The following CRB1 variants were observed in gnomAD, a reference collection of about 807,000 sequenced individuals.
CRB1 encodes crumbs cell polarity complex component 1.
A neutral mutation model predicts 120.0 loss-of-function variants in CRB1; 83 were observed. That is an observed-to-expected ratio of 0.69 (90% confidence interval 0.58 to 0.83). The LOEUF (loss-of-function observed/expected upper bound fraction) is 0.83. Among genes scored for constraint, CRB1 ranks in the 40% least tolerant of loss-of-function variants. CRB1 has a pLI of 0.00. For synonymous variants in CRB1, 625 were observed against 612.5 expected, an observed-to-expected ratio of 1.02 and a Z score of -0.30; for missense variants, 1,699 against 1,687.6, an observed-to-expected ratio of 1.01 and a Z score of -0.12.
At chr1:197,273,880 C>G (rs1440486362) in intron 1 of CRB1, among the ~76,000 whole-genome samples, 1 of 151,890 alleles carries the variant, frequency 6.6e-6, no homozygotes, top group African/African-American at 2.4e-5. Context: ...CTCCAAGGAG[C>G]TCTGTTTCCT....
intron 1 of CRB1, among the ~76,000 whole-genome samples, chr1:197,312,000 C>T (rs1250178257): frequency 6.6e-6 from 1 of 152,014 alleles, no homozygotes; most frequent in African/African-American, 2.4e-5. Context: ...AGGCTTTTCT[C>T]ATAGTTTCTG....
At chr1:197,317,445 A>G (rs1168221072) in intron 1 of CRB1, among the ~76,000 whole-genome samples, 1 of 151,958 alleles carries the variant, frequency 6.6e-6, no homozygotes, top group Non-Finnish European at 1.5e-5. Flanking sequence ...AACAAAACAA[A>G]CAAACAACAA....
At chr1:197,409,886 C>T (rs1411197445) in intron 5 of CRB1, among the ~76,000 whole-genome samples, 3 of 152,118 alleles carry the variant, frequency 2.0e-5, no homozygotes, top group Non-Finnish European at 4.4e-5. Context: ...GGGGTTCATG[C>T]CACACACCTG....
the CRB1 span, among the ~76,000 whole-genome samples, chr1:197,204,318 T>C: frequency 1.3e-5 from 2 of 152,346 alleles, no homozygotes; most frequent in South Asian, 4.1e-4. Context: ...AGGAGTGGGA[T>C]TGCTGGATTA....
At chr1:197,215,275 AT>A in the CRB1 span, among the ~76,000 whole-genome samples, 45,964 of 130,894 alleles carry the variant, frequency 0.35, 8,712 homozygotes, top group East Asian at 0.73. Flanking sequence ...CCAGTGGGAG[AT>A]TTTTTTTTTT....
At chr1:197,381,890 A>C (rs1484872994) in intron 5 of CRB1, among the ~76,000 whole-genome samples, 1 of 152,196 alleles carries the variant, frequency 6.6e-6, no homozygotes, top group East Asian at 1.9e-4. Flanking sequence ...AGGAAGCCAA[A>C]TAATTTATGG....
At chr1:197,406,588 T>TA (rs1244595491) in intron 5 of CRB1, among the ~76,000 whole-genome samples, 4 of 152,114 alleles carry the variant, frequency 2.6e-5, no homozygotes. Context: ...AATAAATAAA[T>TA]AAAAAATAAT....
At chr1:197,274,079 A>G (rs1229601247) in intron 1 of CRB1, among the ~76,000 whole-genome samples, 2 of 152,088 alleles carry the variant, frequency 1.3e-5, no homozygotes, top group African/African-American at 4.8e-5. Flanking sequence ...ATTAAGCTAA[A>G]TATGAGTTCA....
intron 10 of CRB1, chr1:197,441,659 CTTTTTTTTTTTTT>C (rs5779872): frequency 4.4e-5 from 3 of 68,196 alleles, no homozygotes; most frequent in Admixed American, 2.4e-4. Context: ...TTCCCTCCTT[CTTTTTTTTTTTTT>C]TTTTTTTTTT....
At chr1:197,405,453 T>G (rs1253593370) in intron 5 of CRB1, among the ~76,000 whole-genome samples, 1 of 151,712 alleles carries the variant, frequency 6.6e-6, no homozygotes, top group Non-Finnish European at 1.5e-5. Flanking sequence ...CCGCCTGCCT[T>G]GGCCTCCCAA....
chr1:197,443,755 A>C (rs2125516608), intron 11 of CRB1: 1 of 151,944 alleles, frequency 6.6e-6, no homozygotes, highest in African/African-American at 2.4e-5. Flanking sequence ...GATATGCAAA[A>C]ATTAATATAT....
chr1:197,400,333 A>T (rs1415230347), intron 5 of CRB1, among the ~76,000 whole-genome samples: 1 of 147,298 alleles, frequency 6.8e-6, no homozygotes, highest in Non-Finnish European at 1.5e-5. Flanking sequence ...TTTAAAACAG[A>T]TAAGGTCTTG....
At chr1:197,365,384 T>C (rs935826334) in intron 5 of CRB1, among the ~76,000 whole-genome samples, 11 of 152,106 alleles carry the variant, frequency 7.2e-5, no homozygotes, top group African/African-American at 2.4e-4. Flanking sequence ...AGGGTATCTC[T>C]TGATGGAAGT....
intron 5 of CRB1, among the ~76,000 whole-genome samples, chr1:197,381,473 A>G (rs1054061406): frequency 6.6e-6 from 1 of 152,218 alleles, no homozygotes; most frequent in Admixed American, 6.5e-5. Context: ...AAGTCCTTAC[A>G]GTGATATCTT....
At chr1:197,413,894 C>T (rs1186689873) in intron 5 of CRB1, 1 of 456,196 alleles carries the variant, frequency 2.2e-6, no homozygotes, top group Non-Finnish European at 4.4e-6. Flanking sequence ...TGATCAGAAA[C>T]TCACTCTGTC....
chr1:197,215,502 C>A, the CRB1 span, among the ~76,000 whole-genome samples: 2 of 152,036 alleles, frequency 1.3e-5, no homozygotes, highest in African/African-American at 2.4e-5. Context: ...GTCTCGAACT[C>A]CCAACCTCAG....
rs763841981 is a variant in CRB1, at chr1:197,328,863, C to G, written c.512C>G (p.Ser171Cys). The G allele has an allele frequency of 1.9e-6, 3 of 1,614,182 alleles. No individual in the cohort carries two copies. Among genetic ancestry groups the G allele is most frequent in the Non-Finnish European group, 2.5e-6 (3 of 1,180,022 alleles). The change falls in exon 2 of 12, where the codon TCC becomes TGC. Residue 171 changes from serine to cysteine, a missense_variant. Ser to Cys is a moderately radical substitution (Grantham distance 112, BLOSUM62 -1). Transcript: ENST00000367400. ...AVCQDGIDGY[S>C]CFCVPGYQGR... is the part of the protein sequence containing the mutation. ...TGCCAGGATGGAATTGATGGTTACTCCTGCTTCTGTGTCCCAGGATATCAA... is the reference window on the plus strand; with the variant it reads ...TGCCAGGATGGAATTGATGGTTACTGCTGCTTCTGTGTCCCAGGATATCAA...
intron 5 of CRB1, among the ~76,000 whole-genome samples, chr1:197,363,290 G>A (rs1660877232): frequency 6.6e-6 from 1 of 151,560 alleles, no homozygotes; most frequent in African/African-American, 2.4e-5. Context: ...TCCATTGTTT[G>A]TCCTCCCCAC....
the CRB1 span, among the ~76,000 whole-genome samples, chr1:197,253,588 C>T: frequency 2.0e-5 from 3 of 152,024 alleles, no homozygotes; most frequent in Non-Finnish European, 2.9e-5. Flanking sequence ...AAAGAAATTA[C>T]ACATGAATGT....
Sources: allele counts gnomAD v4.1 joint callset (sites outside exome capture counted in the v4.1 genomes callset), GRCh38; gene constraint gnomAD v4.1.1; transcripts MANE v1.5; gene names NCBI Gene and HGNC (gene_info 2026-07-23, HGNC 2026-07-21).